Variants in L1CAM observed in about 807,000 individuals in gnomAD.
L1CAM encodes L1 cell adhesion molecule.
A neutral mutation model predicts 93.0 loss-of-function variants in L1CAM; 8 were observed. The ratio of observed to expected loss-of-function variants is 0.09; its 90% CI spans 0.05 to 0.16. The LOEUF is 0.16. L1CAM is among the 10% of genes least tolerant of loss of function. The pLI, the probability that L1CAM is intolerant of heterozygous loss-of-function variation, is 1.00. For synonymous variants in L1CAM, 453 were observed against 453.0 expected, an observed-to-expected ratio of 1.00 and a Z score of 0.00; for missense variants, 777 against 1,073.4, an observed-to-expected ratio of 0.72 and a Z score of 3.86.
chrX:153,868,712 C>T lies in L1CAM; in HGVS notation c.1395G>A (p.Gly465=). 1 of 1,211,745 alleles carries T rather than the reference C, an allele frequency of 8.3e-7. No homozygotes were observed. Among genetic ancestry groups the T allele is most frequent in the Non-Finnish European group, 1.1e-6 (1 of 895,540 alleles). ...AGCGTTCGTCCTGAAGCACTGTTGT[C>T]CCATCCTCGTCCAGCCTGGAGGGAG... ...VPSVQWLDED[G]TTVLQDERFF... Residue 465 remains glycine (G), a synonymous_variant, in exon 13 of 29, where the codon GGG becomes GGA. Transcript: ENST00000370060.
chrX:153,865,959 G>C, intron 19 of L1CAM, 140 bp from the exon 20 acceptor site: 1 of 495,333 alleles, frequency 2.0e-6, no homozygotes, highest in South Asian at 2.8e-5. Context: ...TGTTTGCATG[G>C]TCTCAAGATC....
Position 153,880,988 on chromosome X carries a change from A to T in L1CAM, c.-108-5044T>A, listed in dbSNP as rs782579131. ...ATTCTCCTTAAAAGATGGGGAAAAG[A>T]GACGGAGGTTAACCCTTTGTGGGGT... On this transcript the variant is annotated intron_variant, in intron 1 of 28. Coordinates refer to ENST00000370060, the MANE Select transcript of L1CAM (RefSeq NM_001278116.2). 2.7e-5 allele frequency among the ~76,000 whole-genome samples: 3 copies of T among 112,501 alleles called. No homozygotes were observed. The South Asian group carries it at 1.1e-3, about 42-fold the overall frequency.
intron 1 of L1CAM, among the ~76,000 whole-genome samples, chrX:153,877,956 T>C (rs1184791464): frequency 8.9e-6 from 1 of 112,309 alleles, no homozygotes; most frequent in Non-Finnish European, 1.9e-5. Flanking sequence ...CATATTCACC[T>C]ACAAGTAAGG....
Position 153,862,270 on chromosome X carries a change from G to A in L1CAM, c.*393C>T, listed in dbSNP as rs1226255568. 1 of 166,874 alleles carries A rather than the reference G, an allele frequency of 6.0e-6. No individual in the cohort carries two copies. The highest frequency in any genetic ancestry group is 1.2e-4 in the East Asian group (1 of 8,423). The allele number at this position is 166,874 out of a possible 1,213,427, so 13.8% of individuals were successfully genotyped here. A position where few individuals can be genotyped will look rare whatever the true frequency, so the allele number is the denominator to read the frequency against. The stretch of plus-strand genomic sequence containing the variant: ...CAGCCAGGCTGGCTGGGGAGTGGCT[G>A]GGGGAGGGGGAAGGTGCCAACCCTG... On this transcript the variant is annotated 3_prime_UTR_variant, in exon 29 of 29. Transcript: ENST00000370060.
chrX:153,885,519 G>A, intron 1 of L1CAM: 5 of 629,571 alleles, frequency 7.9e-6, no homozygotes, highest in Non-Finnish European at 1.1e-5. Flanking sequence ...CGGAGGGGCA[G>A]GCAGCGCCCA....
At chrX:153,867,749 C>A in intron 16 of L1CAM, 51 bp downstream of exon 16, 1 of 1,112,631 alleles carries the variant, frequency 9.0e-7, no homozygotes, top group Non-Finnish European at 1.2e-6. Context: ...CCAGGAGGGG[C>A]CAGGGCTGGC....
intron 2 of L1CAM, among the ~76,000 whole-genome samples, chrX:153,875,442 A>G (rs1304240941): frequency 9.0e-6 from 1 of 111,629 alleles, no homozygotes; most frequent in Admixed American, 9.4e-5. Context: ...GGGCGGGCAG[A>G]GATGGGGCGG....
At chrX:153,885,269 C>T in intron 1 of L1CAM, 1 of 524,009 alleles carries the variant, frequency 1.9e-6, no homozygotes, top group Admixed American at 3.2e-5. Context: ...TCACCCCTAC[C>T]TGATGGACCC....
rs2064735544 is a variant in L1CAM at position 153,868,426 on chromosome X, T to A, written c.1579A>T (p.Thr527Ser). ...ACCCTGGAACCTTTCTTCTCGATTG[T>A]GCTGCGGGGCCCCTGAGTGATCTGA... ...ATQITQGPRS[T>S]IEKKGSRVTF... Residue 527 changes from threonine (T) to serine (S), a missense_variant, in exon 14 of 29, where the codon ACA (threonine) becomes TCA (serine). Physicochemically the swap from Thr to Ser is moderately conservative, Grantham distance 58. Transcript: ENST00000370060. 8.3e-7 allele frequency: 1 copy of A among 1,210,333 alleles called. No homozygotes were observed. The highest frequency in any genetic ancestry group is 1.7e-5 in the African/African-American group (1 of 57,213).
At chrX:153,876,102 A>T in intron 1 of L1CAM, 158 bp from the exon 2 acceptor site, 1 of 407,285 alleles carries the variant, frequency 2.5e-6, no homozygotes, top group Non-Finnish European at 4.2e-6. Context: ...CCCCATCCGC[A>T]CCCCTCCCCA....
Position 153,867,454 on chromosome X carries a change from G to A in L1CAM, c.2039C>T (p.Ser680Leu), listed in dbSNP as rs782725654. 3 of 1,207,951 alleles carry A rather than the reference G, an allele frequency of 2.5e-6. No homozygotes were observed. The highest frequency in any genetic ancestry group is 3.0e-5 in the East Asian group (1 of 33,863). Residue 680 changes from serine (S) to leucine (L), a missense_variant, in exon 17 of 29, where the codon TCG becomes TTG. Physicochemically the swap from Ser to Leu is moderately radical, Grantham distance 145. Transcript: ENST00000370060. ...GNQTSTTLKL[S>L]PYVHYTFRVT... Reference sequence around the variant, plus strand: ...CCTAAAGGTGTAGTGGACATAGGGCGACAGCTTGAGGGTGGTAGAGGTCTG... The same window carrying A: ...CCTAAAGGTGTAGTGGACATAGGGCAACAGCTTGAGGGTGGTAGAGGTCTG...
In L1CAM at chrX:153,869,538, C is replaced by T. The variant is rs782331927; in HGVS notation, c.1249G>A (p.Ala417Thr). ...RNRHGLLLANAYIYVVQLPAK... is the reference protein window; with the variant it reads ...RNRHGLLLANTYIYVVQLPAK... ...CACTCACGGACAACGTAGATGTAGGCATTGGCCAGCAAGAGCCCGTGCCGG... is the reference window on the plus strand; with the variant it reads ...CACTCACGGACAACGTAGATGTAGGTATTGGCCAGCAAGAGCCCGTGCCGG... The change falls in exon 11 of 29, where the codon GCC becomes ACC. Residue 417 changes from alanine to threonine, a missense_variant. Physicochemically the swap from Ala to Thr is moderately conservative, Grantham distance 58 (BLOSUM62 0). Transcript: ENST00000370060. 24 of 1,211,193 alleles carry T rather than the reference C, an allele frequency of 2.0e-5. No individual in the cohort carries two copies. Among genetic ancestry groups the T allele is most frequent in the Non-Finnish European group, 2.5e-5 (22 of 895,316 alleles).
In L1CAM at chrX:153,884,147, G is replaced by C. The variant is rs1215364015; in HGVS notation, c.-109+1918C>G. 3 of 871,068 alleles carry C rather than the reference G, an allele frequency of 3.4e-6. No individual in the cohort carries two copies. In the African/African-American group the frequency reaches 6.2e-5, roughly 18 times the overall value. 71.8% of individuals were successfully genotyped at this position (871,068 alleles called of 1,213,427 possible). On this transcript the variant is annotated intron_variant, in intron 1 of 28. Transcript: ENST00000370060. ...AAACAAGTGACACCCCACGAAGACA[G>C]GGACAATGCTGGTCCAGTTTGTCAC...
Position 153,869,790 on chromosome X carries a change from A to T in L1CAM, c.1123+13T>A. 1.7e-6 allele frequency: 2 copies of T among 1,210,268 alleles called. No individual in the cohort carries two copies. Among genetic ancestry groups the T allele is most frequent in the Non-Finnish European group, 2.2e-6 (2 of 894,869 alleles). ...TCGCCACACTCCCCACTCCTGCCTG[A>T]GGCCCTGCTCACCCTCCACAGGGAT... On this transcript the variant is annotated intron_variant, in intron 10 of 28. Transcript: ENST00000370060.
In L1CAM at chrX:153,880,531, C is replaced by A. The variant is rs1288649038; in HGVS notation, c.-108-4587G>T. 8 of 311,032 alleles carry A rather than the reference C, an allele frequency of 2.6e-5. No homozygotes were observed. The East Asian group carries it at 8.6e-4, about 34-fold the overall frequency. 25.6% of individuals were successfully genotyped at this position (311,032 alleles called of 1,213,427 possible). On this transcript the variant is annotated intron_variant, in intron 1 of 28. Coordinates refer to ENST00000370060, the MANE Select transcript of L1CAM (RefSeq NM_001278116.2). Reference sequence around the variant, plus strand: ...CACATGAAAGGGTCAGAGTGTGGTGCTGGGCCCATGTGCTTGCAGGCCTGG... The same window carrying A: ...CACATGAAAGGGTCAGAGTGTGGTGATGGGCCCATGTGCTTGCAGGCCTGG...
intron 27 of L1CAM, 30 bp downstream of exon 27, chrX:153,863,447 G>A: frequency 2.5e-6 from 3 of 1,208,080 alleles, no homozygotes; most frequent in Non-Finnish European, 3.4e-6. Flanking sequence ...GTGGAGCTGA[G>A]TGCCAGCACC....
intron 1 of L1CAM, among the ~76,000 whole-genome samples, chrX:153,883,084 TG>T (rs1344872835): frequency 2.7e-5 from 3 of 111,145 alleles, no homozygotes; most frequent in Non-Finnish European, 5.7e-5. Context: ...AAGGCCCCCA[TG>T]GGGGGTCTGG....
intron 1 of L1CAM, among the ~76,000 whole-genome samples, chrX:153,879,301 GAA>G: frequency 9.0e-6 from 1 of 110,523 alleles, no homozygotes. Context: ...GGGAAATTCC[GAA>G]ACGGAGACCC....
chrX:153,883,283 G>A (rs919544127), intron 1 of L1CAM, among the ~76,000 whole-genome samples: 3 of 111,127 alleles, frequency 2.7e-5, no homozygotes, highest in Non-Finnish European at 5.7e-5. Flanking sequence ...GGGGGAAGAG[G>A]GAAGGGAGGG....
Sources: allele counts gnomAD v4.1 joint callset (sites outside exome capture counted in the v4.1 genomes callset), GRCh38; gene constraint gnomAD v4.1.1; transcripts MANE v1.5; gene names NCBI Gene and HGNC (gene_info 2026-07-23, HGNC 2026-07-21).